PRAMEF12: variants seen among roughly 807,000 people sequenced by gnomAD.
The protein encoded by PRAMEF12 is PRAME family member 12.
In PRAMEF12, 24 loss-of-function variants were observed where a neutral mutation model predicts 24.6. That is an observed-to-expected ratio of 0.98 (90% CI 0.71 to 1.37). PRAMEF12 has a LOEUF of 1.37. PRAMEF12 is among the 40% of genes most tolerant of loss of function. PRAMEF12 has a pLI of 0.00. For synonymous variants in PRAMEF12, 286 were observed against 242.6 expected (o/e 1.18, Z -1.66); for missense variants, 646 against 580.3 (o/e 1.11, Z -1.16).
chr1:12,776,189 G>C, intron 2 of PRAMEF12, 71 bp downstream of exon 2: 1 of 1,480,732 alleles, frequency 6.8e-7, no homozygotes, highest in South Asian at 1.2e-5. Flanking sequence ...AACACCAGGG[G>C]GTATCTACTG....
At position 12,775,874 on chromosome 1, in the gene PRAMEF12, G is replaced by C; in HGVS notation, c.619G>C (p.Glu207Gln). 1 of 1,614,062 alleles carries C rather than the reference G, an allele frequency of 6.2e-7. No homozygotes were observed. ...LNTVELDCIQ[E>Q]VEVCCPWELS... is the part of the protein sequence containing the mutation. Reference sequence around the variant, plus strand: ...CACGGTGGAGCTAGACTGTATCCAGGAGGTGGAAGTGTGCTGCCCGTGGGA... The same window carrying C: ...CACGGTGGAGCTAGACTGTATCCAGCAGGTGGAAGTGTGCTGCCCGTGGGA... Residue 207 changes from glutamate (E) to glutamine (Q), a missense_variant, in exon 2 of 3, where the codon GAG becomes CAG. Coordinates refer to ENST00000357726, the MANE Select transcript of PRAMEF12 (RefSeq NM_001080830.5).
In PRAMEF12 at chr1:12,774,864, C is replaced by G. The variant is rs753879059; in HGVS notation, c.-4C>G. The stretch of plus-strand genomic sequence containing the variant: ...ATGATGTTTTTTTCTCTAGATTCAT[C>G]AGGATGAGCCTCCAGGCCCCACCTA... On this transcript the variant is annotated 5_prime_UTR_variant, in exon 1 of 3. The change creates a new upstream start codon in the 5' untranslated region. Transcript: ENST00000357726. 1.3e-6 allele frequency: 2 copies of G among 1,583,316 alleles called. No homozygotes were observed. The highest frequency in any genetic ancestry group is 1.7e-6 in the Non-Finnish European group (2 of 1,167,154).
chr1:12,776,389 G>A (rs903128902), intron 2 of PRAMEF12, among the ~76,000 whole-genome samples: 3 of 152,150 alleles, frequency 2.0e-5, no homozygotes, highest in Admixed American at 6.5e-5. Flanking sequence ...TAGTGAGGGT[G>A]CATTCGTGAA....
rs1156794263 is a variant in PRAMEF12, at chr1:12,776,094, A to T, written c.839A>T (p.Glu280Val). The part of the protein sequence containing the change: ...KLYMHSVSFL[E>V]GHLDQLLRCL... The stretch of plus-strand genomic sequence containing the variant: ...TACATGCACTCTGTCTCTTTCCTCG[A>T]AGGCCACCTGGACCAGCTGCTCAGG... The change falls in exon 2 of 3, where the codon GAA (glutamate) becomes GTA (valine). Residue 280 changes from glutamate to valine, a missense_variant. By Grantham distance (121) the Glu-to-Val change is moderately radical. Coordinates refer to ENST00000357726, the MANE Select transcript of PRAMEF12 (RefSeq NM_001080830.5). 2 of 1,614,166 alleles carry T rather than the reference A, an allele frequency of 1.2e-6. No homozygotes were observed.
rs1376654323 is a variant in PRAMEF12, at chr1:12,775,149, C to G, written c.282C>G (p.Arg94=). The G allele has an allele frequency of 9.3e-6, 15 of 1,608,300 alleles. No homozygotes were observed. The African/African-American group carries it at 1.9e-4, about 20-fold the overall frequency. ...GLDALLAQKV[R]PRRWKLQVLD... Reference sequence around the variant, plus strand: ...ATGCACTGCTTGCCCAGAAGGTTCGCCCCAGGTGAGGTGACCCAGCTAACC... The same window carrying G: ...ATGCACTGCTTGCCCAGAAGGTTCGGCCCAGGTGAGGTGACCCAGCTAACC... The change falls in exon 1 of 3, where the codon CGC becomes CGG. Residue 94 remains arginine, a synonymous_variant. Transcript: ENST00000357726.
chr1:12,775,583 G>A lies in PRAMEF12; in HGVS notation c.328G>A (p.Glu110Lys), dbSNP rs1639036636. The A allele has an allele frequency of 1.9e-6, 3 of 1,613,372 alleles. No homozygotes were observed. Among genetic ancestry groups the A allele is most frequent in the Admixed American group, 1.7e-5 (1 of 59,956 alleles). Residue 110 changes from glutamate (E) to lysine (K), a missense_variant, in exon 2 of 3, where the codon GAG (glutamate) becomes AAG (lysine). Physicochemically the swap from Glu to Lys is moderately conservative, Grantham distance 56. Coordinates refer to ENST00000357726, the MANE Select transcript of PRAMEF12 (RefSeq NM_001080830.5). ...AGTGTTGGACTTGCGGAATGTGGATGAGAACTTCTGGGGCATATGGTCTGG... is the reference window on the plus strand; with the variant it reads ...AGTGTTGGACTTGCGGAATGTGGATAAGAACTTCTGGGGCATATGGTCTGG... Reference protein sequence around the residue: ...LQVLDLRNVDENFWGIWSGAS... With the variant: ...LQVLDLRNVDKNFWGIWSGAS...
rs778664563 is a variant in PRAMEF12, at chr1:12,775,818, T to A, written c.563T>A (p.Ile188Lys). ...VCCKELQIFG[I>K]AIHRIIEVLN... ...TGCAAGGAGCTGCAGATTTTTGGAA[T>A]AGCCATCCACAGGATCATAGAGGTC... Residue 188 changes from isoleucine to lysine, a missense_variant, in exon 2 of 3, where the codon ATA (isoleucine) becomes AAA (lysine). Coordinates refer to ENST00000357726, the MANE Select transcript of PRAMEF12 (RefSeq NM_001080830.5). The A allele has an allele frequency of 6.2e-7, 1 of 1,613,974 alleles. No individual in the cohort carries two copies. Among genetic ancestry groups the A allele is most frequent in the Non-Finnish European group, 8.5e-7 (1 of 1,179,992 alleles).
At chr1:12,775,424 G>A in intron 1 of PRAMEF12, 119 bp from the exon 2 acceptor site, 1 of 1,095,104 alleles carries the variant, frequency 9.1e-7, no homozygotes, top group Non-Finnish European at 1.3e-6. Flanking sequence ...GAGAAAGAGG[G>A]ATGGAGAAAA....
chr1:12,775,153 A>C lies in PRAMEF12; in HGVS notation c.286A>C (p.Arg96=). 1 of 1,606,352 alleles carries C rather than the reference A, an allele frequency of 6.2e-7. No individual in the cohort carries two copies. Among genetic ancestry groups the C allele is most frequent in the Non-Finnish European group, 8.5e-7 (1 of 1,175,756 alleles). Reference sequence around the variant, plus strand: ...ACTGCTTGCCCAGAAGGTTCGCCCCAGGTGAGGTGACCCAGCTAACCAGGT... The same window carrying C: ...ACTGCTTGCCCAGAAGGTTCGCCCCCGGTGAGGTGACCCAGCTAACCAGGT... ...DALLAQKVRP[R]RWKLQVLDLR... is the part of the protein sequence containing the mutation. Residue 96 remains arginine, a splice_region_variant and synonymous_variant, in exon 1 of 3, where the codon AGG becomes CGG. Coordinates refer to ENST00000357726, the MANE Select transcript of PRAMEF12 (RefSeq NM_001080830.5).
At position 12,775,590 on chromosome 1, in the gene PRAMEF12, T is replaced by G; in HGVS notation, c.335T>G (p.Phe112Cys). ...GACTTGCGGAATGTGGATGAGAACT[T>G]CTGGGGCATATGGTCTGGAGCTTCT... ...VLDLRNVDEN[F>C]WGIWSGASAL... Residue 112 changes from phenylalanine to cysteine, a missense_variant, in exon 2 of 3, where the codon TTC becomes TGC. Transcript: ENST00000357726. 1 of 1,613,802 alleles carries G rather than the reference T, an allele frequency of 6.2e-7. No individual in the cohort carries two copies. Among genetic ancestry groups the G allele is most frequent in the Non-Finnish European group, 8.5e-7 (1 of 1,179,894 alleles).
Position 12,775,893 on chromosome 1 carries a change from C to G in PRAMEF12, c.638C>G (p.Pro213Arg). Reference sequence around the variant, plus strand: ...ATCCAGGAGGTGGAAGTGTGCTGCCCGTGGGAGCTGTCCATTCTTATAAGG... The same window carrying G: ...ATCCAGGAGGTGGAAGTGTGCTGCCGGTGGGAGCTGTCCATTCTTATAAGG... ...DCIQEVEVCC[P>R]WELSILIRFA... is the part of the protein sequence containing the mutation. The change falls in exon 2 of 3, where the codon CCG (proline) becomes CGG (arginine). Residue 213 changes from proline to arginine, a missense_variant. Transcript: ENST00000357726. 1.2e-6 allele frequency: 2 copies of G among 1,614,000 alleles called. No homozygotes were observed. Among genetic ancestry groups the G allele is most frequent in the Non-Finnish European group, 1.7e-6 (2 of 1,179,998 alleles).
rs779350174 is a variant in PRAMEF12 at position 12,776,077 on chromosome 1, C to T, written c.822C>T (p.His274=). The T allele has an allele frequency of 1.8e-5, 29 of 1,614,094 alleles. No homozygotes were observed. The South Asian group carries it at 3.0e-4, about 16-fold the overall frequency. ...ACTACTTCCAGAAGCTTTACATGCACTCTGTCTCTTTCCTCGAAGGCCACC... is the reference window on the plus strand; with the variant it reads ...ACTACTTCCAGAAGCTTTACATGCATTCTGTCTCTTTCCTCGAAGGCCACC... The part of the protein sequence containing the change: ...KLDYFQKLYM[H]SVSFLEGHLD... Residue 274 remains histidine (H), a synonymous_variant, in exon 2 of 3, where the codon CAC becomes CAT. Transcript: ENST00000357726.
rs769003046 is a variant in PRAMEF12, at chr1:12,775,156, TG to T, written c.287+3del. The T allele has an allele frequency of 6.2e-7, 1 of 1,605,648 alleles. No individual in the cohort carries two copies. On this transcript the variant is annotated splice_donor_region_variant and intron_variant, in intron 1 of 2. Coordinates refer to ENST00000357726, the MANE Select transcript of PRAMEF12 (RefSeq NM_001080830.5). ...GCTTGCCCAGAAGGTTCGCCCCAGG[TG>T]AGGTGACCCAGCTAACCAGGTGGGG...
chr1:12,776,081 G>C lies in PRAMEF12; in HGVS notation c.826G>C (p.Val276Leu), dbSNP rs758442421. The C allele has an allele frequency of 3.1e-6, 5 of 1,614,036 alleles. No individual in the cohort carries two copies. Among genetic ancestry groups the C allele is most frequent in the Non-Finnish European group, 4.2e-6 (5 of 1,180,044 alleles). Residue 276 changes from valine to leucine, a missense_variant, in exon 2 of 3, where the codon GTC becomes CTC. Coordinates refer to ENST00000357726, the MANE Select transcript of PRAMEF12 (RefSeq NM_001080830.5). ...DYFQKLYMHS[V>L]SFLEGHLDQL... Reference sequence around the variant, plus strand: ...CTTCCAGAAGCTTTACATGCACTCTGTCTCTTTCCTCGAAGGCCACCTGGA... The same window carrying C: ...CTTCCAGAAGCTTTACATGCACTCTCTCTCTTTCCTCGAAGGCCACCTGGA...
Position 12,777,447 on chromosome 1 carries a change from G to A in PRAMEF12, c.1300G>A (p.Ala434Thr). ...LCWGRFSQLG[A>T]ELMKTLRDLR... Reference sequence around the variant, plus strand: ...CTGGGGAAGATTTTCTCAACTTGGGGCTGAGCTGATGAAGACACTGAGGGA... The same window carrying A: ...CTGGGGAAGATTTTCTCAACTTGGGACTGAGCTGATGAAGACACTGAGGGA... Residue 434 changes from alanine (A) to threonine (T), a missense_variant, in exon 3 of 3, where the codon GCT becomes ACT. Ala to Thr is a moderately conservative substitution (Grantham distance 58, BLOSUM62 0). Transcript: ENST00000357726. 3.7e-6 allele frequency: 6 copies of A among 1,614,062 alleles called. No individual in the cohort carries two copies. The African/African-American group carries it at 6.7e-5, about 18-fold the overall frequency.
intron 2 of PRAMEF12, among the ~76,000 whole-genome samples, chr1:12,776,425 T>A (rs553163999): frequency 3.7e-4 from 57 of 152,244 alleles, no homozygotes; most frequent in Non-Finnish European, 4.3e-4. Context: ...TGTGTCTAAG[T>A]TAAGACGATG....
In PRAMEF12 at chr1:12,775,507, C is replaced by T. The variant is rs1329621050; in HGVS notation, c.288-36C>T. The T allele has an allele frequency of 2.6e-6, 4 of 1,554,942 alleles. No individual in the cohort carries two copies. In the Admixed American group the frequency reaches 7.6e-5, roughly 29 times the overall value. ...GATGTGGATAAAAGCTCAAATCCTT[C>T]CTAAATTTGGAGCCTCTCTTCTCTT... On this transcript the variant is annotated intron_variant, in intron 1 of 2. Coordinates refer to ENST00000357726, the MANE Select transcript of PRAMEF12 (RefSeq NM_001080830.5).
rs1239418676 is a variant in PRAMEF12 at position 12,774,382 on chromosome 1, G to A, written c.-486G>A. Among the ~76,000 whole-genome samples the A allele has an allele frequency of 1.3e-5, 2 of 152,118 alleles. No homozygotes were observed. The highest frequency in any genetic ancestry group is 2.9e-5 in the Non-Finnish European group (2 of 68,020). ...ACAGGCTCTAGAACACTGTCATGCT[G>A]TTTTTACAATTTCTTGTTACAATTT... is the stretch of plus-strand genomic sequence containing the variant. On this transcript the variant is annotated 5_prime_UTR_variant, in exon 1 of 3. Coordinates refer to ENST00000357726, the MANE Select transcript of PRAMEF12 (RefSeq NM_001080830.5).
chr1:12,776,201 G>A (rs1176372290), intron 2 of PRAMEF12, 83 bp downstream of exon 2: 6 of 1,409,444 alleles, frequency 4.3e-6, no homozygotes, highest in Non-Finnish European at 4.0e-6. Flanking sequence ...TATCTACTGT[G>A]AGCCAGCTTG....
Sources: gnomAD v4.1 joint callset for allele counts (sites outside exome capture counted in the v4.1 genomes callset) on GRCh38, gnomAD v4.1.1 for gene constraint, MANE v1.5 for transcripts, NCBI Gene and HGNC (gene_info 2026-07-23, HGNC 2026-07-21) for gene names.